The following OTOP3 variants were observed in gnomAD, a reference collection of about 807,000 sequenced individuals.
OTOP3 encodes the protein proton channel OTOP3.
A neutral mutation model predicts 50.8 loss-of-function variants in OTOP3; 41 were observed. The observed-to-expected ratio is 0.81, with a 90% CI of 0.63 to 1.05. The LOEUF is 1.05. Ranked by LOEUF, OTOP3 falls within the 50% of genes least tolerant of loss-of-function variation. The probability of loss-of-function intolerance (pLI) is 0.00; values close to 1 mark genes in which losing one functional copy is unlikely to be tolerated. For synonymous variants in OTOP3, 320 were observed against 324.4 expected (o/e 0.99, Z 0.14); for missense variants, 788 against 760.8 (o/e 1.04, Z -0.42).
chr17:74,940,933 C>A (rs1320430432), intron 1 of OTOP3, among the ~76,000 whole-genome samples: 1 of 152,180 alleles, frequency 6.6e-6, no homozygotes, highest in African/African-American at 2.4e-5. Context: ...TTTAGGCAAT[C>A]ATTTCCCAAC....
intron 1 of OTOP3, among the ~76,000 whole-genome samples, chr17:74,937,693 G>A (rs1305568773): frequency 6.6e-6 from 1 of 152,224 alleles, no homozygotes; most frequent in Non-Finnish European, 1.5e-5. Flanking sequence ...AGATGCCAGA[G>A]TCAGTGGGCA....
intron 1 of OTOP3, among the ~76,000 whole-genome samples, chr17:74,937,623 C>G (rs1044667723): frequency 1.3e-5 from 2 of 152,070 alleles, no homozygotes; most frequent in Admixed American, 6.6e-5. Context: ...CCAGCCAGCC[C>G]GGAAAGAGTT....
At position 74,949,293 on chromosome 17, in the gene OTOP3, G is replaced by T; in HGVS notation, c.1614G>T (p.Gly538=). 1 of 1,614,114 alleles carries T rather than the reference G, an allele frequency of 6.2e-7. No homozygotes were observed. Among genetic ancestry groups the T allele is most frequent in the Middle Eastern group, 1.7e-4 (1 of 6,058 alleles). The change falls in exon 7 of 7, where the codon GGG becomes GGT. Residue 538 remains glycine, a synonymous_variant. Transcript: ENST00000328801. ...AFGIHPEFEN[G]LEKDFYGYQI... ...GCATACACCCGGAGTTTGAGAACGG[G>T]CTAGAAAAGGATTTCTACGGCTACC... is the stretch of plus-strand genomic sequence containing the variant.
At chr17:74,941,871 G>C in intron 2 of OTOP3, 30 bp from the exon 3 acceptor site, 1 of 1,592,938 alleles carries the variant, frequency 6.3e-7, no homozygotes, top group Non-Finnish European at 8.6e-7. Context: ...TTCCGCGCAG[G>C]TGCCAACGCC....
intron 1 of OTOP3, among the ~76,000 whole-genome samples, chr17:74,936,476 G>A (rs2039116100): frequency 6.6e-6 from 1 of 152,298 alleles, no homozygotes; most frequent in South Asian, 2.1e-4. Flanking sequence ...CCCTTGGACT[G>A]GCGTCGCGCC....
chr17:74,947,355 G>A lies in OTOP3; in HGVS notation c.1446G>A (p.Leu482=), dbSNP rs773982452. Residue 482 remains leucine, a synonymous_variant, in exon 6 of 7, where the codon CTG becomes CTA. Coordinates refer to ENST00000328801, the MANE Select transcript of OTOP3 (RefSeq NM_001272005.2). The stretch of plus-strand genomic sequence containing the variant: ...AGCCTCCCCGCAGAGGCTCCTTGCT[G>A]GAGCTGGGCCAGGGCCTGCAGCGGG... ...EAEPPRRGSL[L]ELGQGLQRAS... is the part of the protein sequence containing the mutation. 1.2e-5 allele frequency: 20 copies of A among 1,613,004 alleles called. No individual in the cohort carries two copies. The South Asian group carries it at 1.5e-4, about 12-fold the overall frequency.
At chr17:74,939,837 C>T (rs1404152822) in intron 1 of OTOP3, among the ~76,000 whole-genome samples, 4 of 152,156 alleles carry the variant, frequency 2.6e-5, no homozygotes, top group Non-Finnish European at 5.9e-5. Flanking sequence ...CTGTCCCATG[C>T]TCTCAGAAGA....
chr17:74,940,134 T>C (rs202030517), intron 1 of OTOP3, among the ~76,000 whole-genome samples: 4,169 of 105,588 alleles, frequency 0.039, 221 homozygotes, highest in African/African-American at 0.14. Context: ...CACACACACA[T>C]ACATATATAC....
At chr17:74,942,500 G>A (rs1045207225) in intron 3 of OTOP3, among the ~76,000 whole-genome samples, 3 of 151,864 alleles carry the variant, frequency 2.0e-5, no homozygotes, top group African/African-American at 4.8e-5. Context: ...GTGTGGTGGC[G>A]CACGCCTGTA....
Position 74,949,401 on chromosome 17 carries a change from C to A in OTOP3, c.1722C>A (p.Val574=). The change falls in exon 7 of 7, where the codon GTC becomes GTA. Residue 574 remains valine (V), a synonymous_variant. Transcript: ENST00000328801. ...ACTCTGTGGGAGGCCTGGTGGAGGT[C>A]TACCTGGGGGCCTGAGGCTGCCCAC... ...RMHSVGGLVE[V]YLGA is the part of the protein sequence containing the mutation. 1 of 1,612,946 alleles carries A rather than the reference C, an allele frequency of 6.2e-7. No homozygotes were observed. The highest frequency in any genetic ancestry group is 8.5e-7 in the Non-Finnish European group (1 of 1,179,834).
At chr17:74,944,510 G>C (rs146820562) in intron 5 of OTOP3, among the ~76,000 whole-genome samples, 2 of 152,122 alleles carry the variant, frequency 1.3e-5, no homozygotes, top group Non-Finnish European at 1.5e-5. Context: ...TAATCCCAGC[G>C]CTTTGGGAGG....
At chr17:74,943,561 G>C in intron 4 of OTOP3, 45 bp from the exon 5 acceptor site, 1 of 1,587,062 alleles carries the variant, frequency 6.3e-7, no homozygotes. Flanking sequence ...TTGGCACCTG[G>C]GGAGCCGGCC....
chr17:74,947,203 A>C lies in OTOP3; in HGVS notation c.1294A>C (p.Ile432Leu), dbSNP rs1329358865. 6.2e-7 allele frequency: 1 copy of C among 1,613,982 alleles called. No homozygotes were observed. The highest frequency in any genetic ancestry group is 1.1e-5 in the South Asian group (1 of 91,090). The change falls in exon 6 of 7, where the codon ATC becomes CTC. Residue 432 changes from isoleucine to leucine, a missense_variant. Physicochemically the swap from Ile to Leu is conservative, Grantham distance 5 (BLOSUM62 2). Transcript: ENST00000328801. ...CCCGCATGAGCTGCTCAACCGCCTC[A>C]TCCTGGCCTACTCGCTGCTGCTCAT... ...KRPHELLNRL[I>L]LAYSLLLILQ... is the part of the protein sequence containing the mutation.
At chr17:74,942,976 C>T (rs1282622897) in intron 3 of OTOP3, among the ~76,000 whole-genome samples, 1 of 152,170 alleles carries the variant, frequency 6.6e-6, no homozygotes, top group Non-Finnish European at 1.5e-5. Flanking sequence ...TCTCCAGCTT[C>T]CTCTTAGGTT....
In OTOP3 at chr17:74,947,076, C is replaced by T. The variant is rs750246676; in HGVS notation, c.1167C>T (p.Val389=). Residue 389 remains valine (V), a synonymous_variant, in exon 6 of 7, where the codon GTC becomes GTT. Coordinates refer to ENST00000328801, the MANE Select transcript of OTOP3 (RefSeq NM_001272005.2). ...TGGAGGAGAGAGAGCTGGACACGGTCAAGAACCCTACCCGCAGCCTGGATG... is the reference window on the plus strand; with the variant it reads ...TGGAGGAGAGAGAGCTGGACACGGTTAAGAACCCTACCCGCAGCCTGGATG... ...HGLEERELDT[V]KNPTRSLDVV... is the part of the protein sequence containing the mutation. The T allele has an allele frequency of 6.2e-7, 1 of 1,614,026 alleles. No individual in the cohort carries two copies. The highest frequency in any genetic ancestry group is 1.3e-5 in the African/African-American group (1 of 74,958).
At chr17:74,948,981 G>A (rs1425150630) in intron 6 of OTOP3, among the ~76,000 whole-genome samples, 1 of 152,252 alleles carries the variant, frequency 6.6e-6, no homozygotes, top group Non-Finnish European at 1.5e-5. Context: ...GCGGCAGCCT[G>A]GGGTCTCCTG....
Position 74,947,197 on chromosome 17 carries a change from C to G in OTOP3, c.1288C>G (p.Arg430Gly). 6.2e-7 allele frequency: 1 copy of G among 1,613,966 alleles called. No individual in the cohort carries two copies. The highest frequency in any genetic ancestry group is 8.5e-7 in the Non-Finnish European group (1 of 1,180,016). Reference protein sequence around the residue: ...VAKRPHELLNRLILAYSLLLI... With the variant: ...VAKRPHELLNGLILAYSLLLI... ...CAAGCGCCCGCATGAGCTGCTCAAC[C>G]GCCTCATCCTGGCCTACTCGCTGCT... Residue 430 changes from arginine to glycine, a missense_variant, in exon 6 of 7, where the codon CGC (arginine) becomes GGC (glycine). Arg to Gly is a moderately radical substitution (Grantham distance 125, BLOSUM62 -2). Transcript: ENST00000328801.
In OTOP3 at chr17:74,947,360, T is replaced by G; in HGVS notation, c.1451T>G (p.Leu484Arg). The change falls in exon 6 of 7, where the codon CTG (leucine) becomes CGG (arginine). Residue 484 changes from leucine (L) to arginine (R), a missense_variant. By Grantham distance (102) the Leu-to-Arg change is moderately radical (BLOSUM62 -2). Transcript: ENST00000328801. ...CCCCGCAGAGGCTCCTTGCTGGAGC[T>G]GGGCCAGGGCCTGCAGCGGGCCTCA... ...EPPRRGSLLE[L>R]GQGLQRASLA... 6.2e-7 allele frequency: 1 copy of G among 1,613,104 alleles called. No homozygotes were observed. Among genetic ancestry groups the G allele is most frequent in the East Asian group, 2.2e-5 (1 of 44,886 alleles).
intron 5 of OTOP3, among the ~76,000 whole-genome samples, chr17:74,945,585 C>T (rs984625956): frequency 6.6e-5 from 10 of 152,168 alleles, no homozygotes; most frequent in Admixed American, 2.6e-4. Flanking sequence ...ATATTTTCGG[C>T]CCCAGCTTCT....
Sources: gnomAD v4.1 joint callset for allele counts (sites outside exome capture counted in the v4.1 genomes callset) on GRCh38, gnomAD v4.1.1 for gene constraint, MANE v1.5 for transcripts, NCBI Gene and HGNC (gene_info 2026-07-23, HGNC 2026-07-21) for gene names.